The following ADGRD1 variants were observed in gnomAD, a reference collection of about 807,000 sequenced individuals.
The protein encoded by ADGRD1 is adhesion G protein-coupled receptor D1.
Under a neutral mutation model 113.4 loss-of-function variants are expected in ADGRD1, and 77 were observed. The ratio of observed to expected loss-of-function variants is 0.68; its 90% confidence interval spans 0.57 to 0.82. ADGRD1 has a LOEUF of 0.82. Ranked by LOEUF, ADGRD1 falls within the 40% of genes least tolerant of loss-of-function variation. The pLI is 0.00. For synonymous variants in ADGRD1, 474 were observed against 475.0 expected (o/e 1.00, Z 0.03); for missense variants, 1,036 against 1,139.1 (o/e 0.91, Z 1.30).
chr12:130,960,372 A>T (rs1373174700), intron 2 of ADGRD1, among the ~76,000 whole-genome samples: 1 of 152,136 alleles, frequency 6.6e-6, no homozygotes, highest in Admixed American at 6.5e-5. Context: ...CATGCCTTAG[A>T]GTTTCTAAAG....
chr12:131,027,730 C>T lies in ADGRD1; in HGVS notation c.1473+13390C>T, dbSNP rs1292305367. 6.6e-6 allele frequency: 1 copy of T among 152,214 alleles called. No individual in the cohort carries two copies. The highest frequency in any genetic ancestry group is 1.5e-5 in the Non-Finnish European group (1 of 68,040). 9.4% of individuals were successfully genotyped at this position (152,214 alleles called of 1,614,324 possible). ...GGGTTACTCAGACCAAACTTCTCAT[C>T]ACCCTGCATCCCCCTGCCAGCCATG... On this transcript the variant is annotated intron_variant, in intron 13 of 24. Coordinates refer to ENST00000261654, the MANE Select transcript of ADGRD1 (RefSeq NM_198827.5). The surrounding 1 kb of genome is among the most constrained non-coding windows in gnomAD (Gnocchi z 5.1).
intron 13 of ADGRD1, among the ~76,000 whole-genome samples, chr12:131,059,771 T>C (rs1277655502): frequency 6.6e-6 from 1 of 152,238 alleles, no homozygotes; most frequent in African/African-American, 2.4e-5. Context: ...GCTGAGACTC[T>C]TTTTCATTTG....
intron 13 of ADGRD1, among the ~76,000 whole-genome samples, chr12:131,066,062 G>A (rs147854760): frequency 4.0e-4 from 61 of 152,248 alleles, no homozygotes; most frequent in African/African-American, 1.3e-3. Flanking sequence ...CCCCAGGGCC[G>A]GGCCAGGGGC....
intron 18 of ADGRD1, among the ~76,000 whole-genome samples, chr12:131,112,416 G>A (rs1298824662): frequency 1.3e-5 from 2 of 152,154 alleles, no homozygotes; most frequent in African/African-American, 4.8e-5. Context: ...CTTCGTAGGG[G>A]TATTTTTGAG....
rs867421880 is a variant in ADGRD1 at position 131,123,062 on chromosome 12, T to G, written c.2175+2149T>G. Among the ~76,000 whole-genome samples the G allele has an allele frequency of 8.2e-3, 1,116 of 135,332 alleles. 9 individuals carry two copies. Among genetic ancestry groups the G allele is most frequent in the Middle Eastern group, 0.015 (4 of 274 alleles). The allele number at this position is 135,332 out of a possible 152,430, so 88.8% of individuals were successfully genotyped here. On this transcript the variant is annotated intron_variant, in intron 20 of 24. Transcript: ENST00000261654. ...GAGTTTTTTTTTTTTTTTTTTTTTT[T>G]TTTTTTTTTTTGCGACAGAGTCTTC...
intron 13 of ADGRD1, among the ~76,000 whole-genome samples, chr12:131,032,393 G>A (rs1024419696): frequency 6.6e-6 from 1 of 152,246 alleles, no homozygotes; most frequent in Non-Finnish European, 1.5e-5. Context: ...CAGCGTAGTA[G>A]GAGGTTTCAC....
chr12:131,012,972 C>T (rs1001490631), intron 12 of ADGRD1, among the ~76,000 whole-genome samples: 1 of 152,204 alleles, frequency 6.6e-6, no homozygotes, highest in Non-Finnish European at 1.5e-5. Flanking sequence ...GGAACAGATA[C>T]TTGGTGACCT....
intron 5 of ADGRD1, among the ~76,000 whole-genome samples, chr12:130,985,136 TTG>T (rs1566001345): frequency 1.3e-5 from 2 of 151,824 alleles, no homozygotes; most frequent in Non-Finnish European, 2.9e-5. Flanking sequence ...GAGGTCTTAC[TTG>T]GTTGCCCAGG....
chr12:131,130,667 G>A (rs998273118), intron 20 of ADGRD1, among the ~76,000 whole-genome samples: 1 of 152,160 alleles, frequency 6.6e-6, no homozygotes, highest in Admixed American at 6.5e-5. Context: ...GGCCTGGCGC[G>A]GGCACCTAGG....
Position 130,993,853 on chromosome 12 carries a change from T to G in ADGRD1, c.966+1461T>G, listed in dbSNP as rs118097151. ...CTGGATAGGCACCGCCACAATTCTC[T>G]CGGCACTCGGCCCTTTTCTCGCCCA... On this transcript the variant is annotated intron_variant, in intron 8 of 24. Transcript: ENST00000261654. 7.6e-3 allele frequency: 1,180 copies of G among 155,140 alleles called. 6 individuals are homozygous for G. Among genetic ancestry groups the G allele is most frequent in the Non-Finnish European group, 0.011 (766 of 69,838 alleles). 9.6% of individuals were successfully genotyped at this position (155,140 alleles called of 1,614,324 possible).
At chr12:130,996,563 G>A (rs1875405593) in intron 8 of ADGRD1, among the ~76,000 whole-genome samples, 1 of 135,822 alleles carries the variant, frequency 7.4e-6, no homozygotes, top group Non-Finnish European at 1.6e-5. Context: ...GGACGGGGCG[G>A]CTGGCCGGGC....
chr12:131,042,983 C>T (rs1882296256), intron 13 of ADGRD1, among the ~76,000 whole-genome samples: 1 of 152,260 alleles, frequency 6.6e-6, no homozygotes, highest in South Asian at 2.1e-4. Flanking sequence ...CCTCCCCGCC[C>T]TGCGGCCCTG....
At chr12:131,040,424 A>G (rs752830585) in intron 13 of ADGRD1, among the ~76,000 whole-genome samples, 4 of 152,254 alleles carry the variant, frequency 2.6e-5, no homozygotes, top group Non-Finnish European at 4.4e-5. Flanking sequence ...CAAAGTCTTA[A>G]GCAGTAATCT....
At chr12:130,998,395 G>A (rs187847632) in intron 8 of ADGRD1, among the ~76,000 whole-genome samples, 93 of 152,272 alleles carry the variant, frequency 6.1e-4, no homozygotes, top group African/African-American at 2.1e-3. Flanking sequence ...AGTGATCTCT[G>A]ACCTGATGAG....
intron 20 of ADGRD1, among the ~76,000 whole-genome samples, chr12:131,123,439 T>G (rs1950656248): frequency 6.6e-6 from 1 of 152,090 alleles, no homozygotes; most frequent in African/African-American, 2.4e-5. Flanking sequence ...TCAGCACAGC[T>G]GGCTTGAGGT....
In ADGRD1 at chr12:131,108,798, G is replaced by A. The variant is rs909033938; in HGVS notation, c.1962G>A (p.Gly654=). 2 of 1,613,998 alleles carry A rather than the reference G, an allele frequency of 1.2e-6. No homozygotes were observed. The highest frequency in any genetic ancestry group is 2.7e-5 in the African/African-American group (2 of 74,976). The change falls in exon 18 of 25, where the codon GGG becomes GGA. Residue 654 remains glycine, a synonymous_variant. Coordinates refer to ENST00000261654, the MANE Select transcript of ADGRD1 (RefSeq NM_198827.5). The part of the protein sequence containing the change: ...LSAFAWMLVE[G]LHLYSMVIKV... ...CCTTCGCATGGATGCTGGTGGAGGG[G>A]CTGCACCTCTACAGCATGGTGATCA...
chr12:131,103,979 G>T lies in ADGRD1; in HGVS notation c.1672-852G>T, dbSNP rs78201884. On this transcript the variant is annotated intron_variant, in intron 15 of 24. Transcript: ENST00000261654. Reference sequence around the variant, plus strand: ...AGGGTCACATGTGTCTGAGCTTGAGGCCCCGACTTCAGAACCGAGGGGGCG... The same window carrying T: ...AGGGTCACATGTGTCTGAGCTTGAGTCCCCGACTTCAGAACCGAGGGGGCG... Among the ~76,000 whole-genome samples the T allele has an allele frequency of 8.5e-4, 130 of 152,324 alleles. 4 individuals are homozygous for T. In the East Asian group the frequency reaches 0.021, roughly 25 times the overall value.
At chr12:130,958,829 TTGTC>T (rs1421141299) in intron 2 of ADGRD1, among the ~76,000 whole-genome samples, 2 of 147,230 alleles carry the variant, frequency 1.4e-5, no homozygotes, top group East Asian at 3.9e-4. Context: ...AGCGGCCAGT[TTGTC>T]TGCACGTTGG....
intron 20 of ADGRD1, among the ~76,000 whole-genome samples, chr12:131,124,743 C>G (rs61936987): frequency 7.7e-6 from 1 of 130,102 alleles, no homozygotes; most frequent in Non-Finnish European, 1.8e-5. Flanking sequence ...GTTCTCGGCT[C>G]TAACACACAC....
Sources: gnomAD v4.1 joint callset for allele counts (sites outside exome capture counted in the v4.1 genomes callset) on GRCh38, gnomAD v4.1.1 for gene constraint, Gnocchi (gnomAD v3.1) non-coding constraint, MANE v1.5 for transcripts, NCBI Gene and HGNC (gene_info 2026-07-23, HGNC 2026-07-21) for gene names.